DHX33: variants seen among roughly 807,000 people sequenced by gnomAD.
The protein encoded by DHX33 is ATP-dependent RNA helicase DHX33.
DHX33 carries 42 observed loss-of-function variants against 72.5 expected under a neutral mutation model. The observed-to-expected ratio is 0.58, with a 90% CI of 0.45 to 0.75. The LOEUF is 0.75. Ranked by LOEUF, DHX33 falls within the 30% of genes least tolerant of loss-of-function variation. The pLI is 0.00. For missense variants in DHX33, 842 were observed against 917.5 expected, an observed-to-expected ratio of 0.92 and a Z score of 1.06; for synonymous variants, 358 against 366.1, an observed-to-expected ratio of 0.98 and a Z score of 0.25.
chr17:5,444,147 G>A lies in DHX33; in HGVS notation c.*58C>T. 1.3e-6 allele frequency: 2 copies of A among 1,557,070 alleles called. No individual in the cohort carries two copies. The highest frequency in any genetic ancestry group is 1.7e-6 in the Non-Finnish European group (2 of 1,148,484). On this transcript the variant is annotated 3_prime_UTR_variant, in exon 12 of 12. Coordinates refer to ENST00000225296, the MANE Select transcript of DHX33 (RefSeq NM_020162.4). The surrounding 1 kb of genome is among the most constrained non-coding windows in gnomAD (Gnocchi z 4.9). ...GCGCCAACCTGGAAGCCTGCTGTAA[G>A]GACAACTGTAGTCCAAGCTCCCAGG...
rs545058792 is a variant in DHX33 at position 5,463,474 on chromosome 17, T to C, written c.450+55A>G. The C allele has an allele frequency of 1.4e-4, 225 of 1,554,898 alleles. 3 individuals carry two copies. In the South Asian group the frequency reaches 2.4e-3, roughly 16 times the overall value. On this transcript the variant is annotated intron_variant, in intron 2 of 11. Transcript: ENST00000225296. Reference sequence around the variant, plus strand: ...TTAGAAAAATAAAAGGCAGTGGGCATGGGGAGAGAGCTGTTGAGTCAAGAA... The same window carrying C: ...TTAGAAAAATAAAAGGCAGTGGGCACGGGGAGAGAGCTGTTGAGTCAAGAA...
intron 8 of DHX33, 93 bp downstream of exon 8, chr17:5,453,487 G>A: frequency 2.1e-6 from 2 of 972,872 alleles, no homozygotes; most frequent in South Asian, 1.3e-5. Context: ...TAAACAAAAG[G>A]AGATGACCAA....
In DHX33 at chr17:5,443,356, G is replaced by A. The variant is rs371080373; in HGVS notation, c.*849C>T. The stretch of plus-strand genomic sequence containing the variant: ...GAGAAAAATGGCAACTGTGTATGTG[G>A]GAGTCACCTACACACACAAAACACT... On this transcript the variant is annotated 3_prime_UTR_variant, in exon 12 of 12. Coordinates refer to ENST00000225296, the MANE Select transcript of DHX33 (RefSeq NM_020162.4). 3.9e-5 allele frequency: 6 copies of A among 151,924 alleles called. No individual in the cohort carries two copies. The East Asian group carries it at 1.2e-3, about 29-fold the overall frequency. 9.4% of individuals were successfully genotyped at this position (151,924 alleles called of 1,614,324 possible).
Position 5,444,133 on chromosome 17 carries a change from G to T in DHX33, c.*72C>A. On this transcript the variant is annotated 3_prime_UTR_variant, in exon 12 of 12. Coordinates refer to ENST00000225296, the MANE Select transcript of DHX33 (RefSeq NM_020162.4). The surrounding 1 kb of genome is among the most constrained non-coding windows in gnomAD (Gnocchi z 4.9). ...CAAGGCTTCTCTAAGCGCCAACCTG[G>T]AAGCCTGCTGTAAGGACAACTGTAG... The T allele has an allele frequency of 6.6e-7, 1 of 1,524,790 alleles. No homozygotes were observed. Among genetic ancestry groups the T allele is most frequent in the Non-Finnish European group, 8.8e-7 (1 of 1,132,928 alleles). 94.5% of individuals were successfully genotyped at this position (1,524,790 alleles called of 1,614,324 possible).
At position 5,444,166 on chromosome 17, in the gene DHX33, TC is replaced by T; in HGVS notation, c.*38del. 3 of 1,586,936 alleles carry T rather than the reference TC, an allele frequency of 1.9e-6. No individual in the cohort carries two copies. The highest frequency in any genetic ancestry group is 2.6e-6 in the Non-Finnish European group (3 of 1,164,494). On this transcript the variant is annotated 3_prime_UTR_variant, in exon 12 of 12. Coordinates refer to ENST00000225296, the MANE Select transcript of DHX33 (RefSeq NM_020162.4). The surrounding 1 kb of genome is among the most constrained non-coding windows in gnomAD (Gnocchi z 4.9). ...CTGTAAGGACAACTGTAGTCCAAGC[TC>T]CCAGGGACCAGTGATTCTGGCGGCA...
chr17:5,466,128 G>A (rs1035127263), intron 1 of DHX33, among the ~76,000 whole-genome samples: 3 of 152,144 alleles, frequency 2.0e-5, no homozygotes, highest in African/African-American at 7.2e-5. Context: ...TTTGACTTCA[G>A]GATGGAGCAA....
rs34034188 is a variant in DHX33, at chr17:5,460,966, C to G, written c.822G>C (p.Ala274=). ...KQPQNDYLHA[A]LVSVFQIHQE... ...GGTGGATCTGGAAGACGGAGACAAG[C>G]GCGGCGTGCAGGTAATCATTCTGAG... Residue 274 remains alanine, a synonymous_variant, in exon 4 of 12, where the codon GCG becomes GCC. Transcript: ENST00000225296. 1.9e-4 allele frequency: 302 copies of G among 1,613,404 alleles called. No individual in the cohort carries two copies. Among genetic ancestry groups the G allele is most frequent in the Non-Finnish European group, 2.5e-4 (294 of 1,179,596 alleles).
intron 11 of DHX33, among the ~76,000 whole-genome samples, chr17:5,445,604 TG>T (rs957784585): frequency 2.0e-5 from 3 of 152,164 alleles, no homozygotes; most frequent in Non-Finnish European, 4.4e-5. Context: ...AACAAACCAG[TG>T]GTACACACAC....
chr17:5,455,062 T>C, intron 6 of DHX33, 98 bp downstream of exon 6: 1 of 1,126,456 alleles, frequency 8.9e-7, no homozygotes, highest in Non-Finnish European at 1.3e-6. Flanking sequence ...AATTTGTTAG[T>C]TACAAACATG....
intron 8 of DHX33, among the ~76,000 whole-genome samples, chr17:5,452,970 G>A (rs1192410996): frequency 1.3e-5 from 2 of 152,150 alleles, no homozygotes; most frequent in African/African-American, 2.4e-5. Context: ...AAGGAAAATG[G>A]TGCGTTGATG....
chr17:5,444,243 CAG>C lies in DHX33; in HGVS notation c.2084_2085del (p.Pro695ArgfsTer4), dbSNP rs1217976227. The C allele has an allele frequency of 6.2e-7, 1 of 1,614,216 alleles. No homozygotes were observed. The highest frequency in any genetic ancestry group is 1.7e-5 in the Admixed American group (1 of 60,028). On this transcript the variant is annotated frameshift_variant, in exon 12 of 12. Transcript: ENST00000225296. LOFTEE classifies it high-confidence loss of function. The surrounding 1 kb of genome is among the most constrained non-coding windows in gnomAD (Gnocchi z 4.9). ...IDAQWLYEAAPEYFRRKLRTA... is the reference protein window; with the variant it reads ...IDAQWLYEAAXEYFRRKLRTA... ...GTTCTCAGCTTCCTCCTAAAGTACT[CAG>C]GGGCAGCCTCGTACAGCCACTGTGC...
chr17:5,468,971 C>CATGTTA lies in DHX33; in HGVS notation c.-113_-112insTAACAT. 1.7e-6 allele frequency: 1 copy of CATGTTA among 576,916 alleles called. No individual in the cohort carries two copies. Among genetic ancestry groups the CATGTTA allele is most frequent in the South Asian group, 2.0e-5 (1 of 50,666 alleles). 35.7% of individuals were successfully genotyped at this position (576,916 alleles called of 1,614,324 possible). Reference sequence around the variant, plus strand: ...CCTCGCCGCCACGTGCTGGCGGCTCCCGGCGACCACCGATGACCTCACGGC... The same window carrying CATGTTA: ...CCTCGCCGCCACGTGCTGGCGGCTCCATGTTACGGCGACCACCGATGACCTCACGGC... On this transcript the variant is annotated 5_prime_UTR_variant, in exon 1 of 12. The change creates a new upstream start codon in the 5' untranslated region. Coordinates refer to ENST00000225296, the MANE Select transcript of DHX33 (RefSeq NM_020162.4).
intron 11 of DHX33, among the ~76,000 whole-genome samples, chr17:5,445,577 G>A (rs1176307790): frequency 3.3e-5 from 5 of 152,194 alleles, no homozygotes; most frequent in Non-Finnish European, 7.3e-5. Context: ...TGTAACCTAC[G>A]CCCCTGGGCA....
rs1916772326 is a variant in DHX33 at position 5,448,906 on chromosome 17, GA to G, written c.1729-12del. The G allele has an allele frequency of 1.9e-6, 3 of 1,604,558 alleles. No homozygotes were observed. The African/African-American group carries it at 4.0e-5, about 21-fold the overall frequency. The stretch of plus-strand genomic sequence containing the variant: ...CTCTTTGCACCAATCCTGAATAGGA[GA>G]AAGAGTGATATCACAATCCACTCAT... On this transcript the variant is annotated splice_polypyrimidine_tract_variant and intron_variant, in intron 10 of 11. Coordinates refer to ENST00000225296, the MANE Select transcript of DHX33 (RefSeq NM_020162.4).
At chr17:5,460,900 A>G in intron 4 of DHX33, 39 bp downstream of exon 4, 1 of 1,584,338 alleles carries the variant, frequency 6.3e-7, no homozygotes, top group Non-Finnish European at 8.6e-7. Context: ...ACTGCAAGAT[A>G]AAAGAGAACT....
At chr17:5,462,614 T>G in intron 2 of DHX33, 68 bp from the exon 3 acceptor site, 2 of 1,190,926 alleles carry the variant, frequency 1.7e-6, no homozygotes, top group Non-Finnish European at 2.5e-6. Flanking sequence ...CGGCACTAAG[T>G]TGGGCACTTG....
chr17:5,449,677 T>TC (rs1916807655), intron 10 of DHX33, among the ~76,000 whole-genome samples: 1 of 152,220 alleles, frequency 6.6e-6, no homozygotes, highest in African/African-American at 2.4e-5. Context: ...GCTCAAGTGA[T>TC]CCACCTGCCC....
chr17:5,455,094 G>T, intron 6 of DHX33, 66 bp downstream of exon 6: 1 of 1,363,706 alleles, frequency 7.3e-7, no homozygotes, highest in East Asian at 2.3e-5. Context: ...GGAAAACTGT[G>T]GGACTACAGT....
At position 5,459,013 on chromosome 17, in the gene DHX33, C is replaced by A. The variant is rs145117517; in HGVS notation, c.849+1926G>T. ...AGGAGTTTGAGACCAGTCCGGGCAA[C>A]GTAGCAAGACCCTGTCTCTACAAAA... On this transcript the variant is annotated intron_variant, in intron 4 of 11. Coordinates refer to ENST00000225296, the MANE Select transcript of DHX33 (RefSeq NM_020162.4). Among the ~76,000 whole-genome samples the A allele has an allele frequency of 9.7e-4, 147 of 152,120 alleles. 10 individuals carry two copies. The East Asian group carries it at 0.021, about 22-fold the overall frequency.
Sources: allele counts gnomAD v4.1 joint callset (sites outside exome capture counted in the v4.1 genomes callset), GRCh38; gene constraint gnomAD v4.1.1; non-coding constraint Gnocchi (gnomAD v3.1); transcripts MANE v1.5; gene names NCBI Gene and HGNC (gene_info 2026-07-23, HGNC 2026-07-21).